GOPC: variants seen among roughly 807,000 people sequenced by gnomAD.
The protein encoded by GOPC is Golgi-associated PDZ and coiled-coil motif-containing protein.
In GOPC, 32 loss-of-function variants were observed where a neutral mutation model predicts 51.2. That is an observed-to-expected ratio of 0.63 (90% confidence interval 0.47 to 0.84). GOPC has a LOEUF of 0.84. Ranked by LOEUF, GOPC falls within the 40% of genes least tolerant of loss-of-function variation. The pLI is 0.00. For synonymous variants in GOPC, 190 were observed against 205.1 expected, an observed-to-expected ratio of 0.93 and a Z score of 0.63; for missense variants, 441 against 555.5, an observed-to-expected ratio of 0.79 and a Z score of 2.07.
At chr6:117,575,854 C>T (rs942890257) in intron 3 of GOPC, among the ~76,000 whole-genome samples, 16 of 152,154 alleles carry the variant, frequency 1.1e-4, no homozygotes, top group Non-Finnish European at 2.4e-4. Flanking sequence ...CCCTATACCC[C>T]CTTTGTCCCT....
intron 1 of GOPC, among the ~76,000 whole-genome samples, chr6:117,579,457 G>A (rs1159280429): frequency 6.6e-6 from 1 of 152,086 alleles, no homozygotes; most frequent in Admixed American, 6.6e-5. Context: ...CAGTATTAGA[G>A]AAGATGTCAG....
chr6:117,585,291 C>A (rs1010896645), intron 1 of GOPC, among the ~76,000 whole-genome samples: 1 of 152,034 alleles, frequency 6.6e-6, no homozygotes, highest in Non-Finnish European at 1.5e-5. Context: ...TAAATATAAG[C>A]AGGTTTTTAT....
intron 5 of GOPC, among the ~76,000 whole-genome samples, chr6:117,572,670 G>A (rs1169478303): frequency 3.3e-5 from 5 of 151,876 alleles, no homozygotes; most frequent in South Asian, 4.2e-4. Flanking sequence ...CCTCCTAACC[G>A]CTCCATTTCC....
intron 1 of GOPC, among the ~76,000 whole-genome samples, chr6:117,586,475 CTTTTTTT>C (rs869148559): frequency 0.17 from 15,372 of 92,676 alleles, 953 homozygotes; most frequent in East Asian, 0.33. Context: ...CACAGAGATT[CTTTTTTT>C]TTTTTTTTTT....
At chr6:117,593,843 T>C (rs1488008482) in intron 1 of GOPC, among the ~76,000 whole-genome samples, 1 of 152,198 alleles carries the variant, frequency 6.6e-6, no homozygotes, top group East Asian at 1.9e-4. Flanking sequence ...CCCTCATCCC[T>C]CTGTTCCAAT....
At chr6:117,576,186 C>A (rs1779879149) in intron 3 of GOPC, among the ~76,000 whole-genome samples, 1 of 151,760 alleles carries the variant, frequency 6.6e-6, no homozygotes, top group Non-Finnish European at 1.5e-5. Flanking sequence ...CACATACAAG[C>A]TAAAATTAAT....
intron 6 of GOPC, 42 bp downstream of exon 6, chr6:117,570,818 T>G (rs757506695): frequency 9.0e-6 from 8 of 885,982 alleles, no homozygotes; most frequent in Admixed American, 6.2e-5. Flanking sequence ...ATGATTATAC[T>G]AGATAACTGT....
intron 7 of GOPC, among the ~76,000 whole-genome samples, chr6:117,567,728 C>T (rs563875425): frequency 4.6e-5 from 7 of 151,882 alleles, no homozygotes; most frequent in Admixed American, 3.3e-4. Context: ...TTTACATGAA[C>T]GAGAAAGCTG....
At chr6:117,575,676 A>G (rs753767742) in intron 3 of GOPC, 11 of 406,938 alleles carry the variant, frequency 2.7e-5, no homozygotes, top group Non-Finnish European at 5.1e-5. Flanking sequence ...AACCCTTTTG[A>G]GAGTTAAATA....
chr6:117,589,509 G>A (rs1486578994), intron 1 of GOPC, among the ~76,000 whole-genome samples: 1 of 152,160 alleles, frequency 6.6e-6, no homozygotes, highest in Non-Finnish European at 1.5e-5. Context: ...AGTAGAGATG[G>A]GGTTTCACCA....
intron 1 of GOPC, among the ~76,000 whole-genome samples, chr6:117,585,003 T>C (rs1780010037): frequency 6.6e-6 from 1 of 152,164 alleles, no homozygotes; most frequent in Non-Finnish European, 1.5e-5. Flanking sequence ...CTGTACAGCC[T>C]GCAGAACTGT....
At chr6:117,585,885 C>T (rs975677971) in intron 1 of GOPC, among the ~76,000 whole-genome samples, 1 of 152,152 alleles carries the variant, frequency 6.6e-6, no homozygotes, top group Non-Finnish European at 1.5e-5. Context: ...ACAAAGCACA[C>T]ATTCCCCAAG....
chr6:117,569,563 G>A lies in GOPC; in HGVS notation c.1077+9C>T, dbSNP rs779754734. 6.2e-7 allele frequency: 1 copy of A among 1,611,072 alleles called. No homozygotes were observed. The highest frequency in any genetic ancestry group is 1.3e-5 in the African/African-American group (1 of 74,760). Reference sequence around the variant, plus strand: ...TAGATCCAGTTCTAATTACATGAAGGGAATTTACCTGCTGAGAAAGAATAG... The same window carrying A: ...TAGATCCAGTTCTAATTACATGAAGAGAATTTACCTGCTGAGAAAGAATAG... On this transcript the variant is annotated intron_variant, in intron 7 of 8. Coordinates refer to ENST00000368498, the MANE Select transcript of GOPC (RefSeq NM_020399.4).
intron 1 of GOPC, among the ~76,000 whole-genome samples, chr6:117,580,183 T>C (rs1417050578): frequency 6.6e-6 from 1 of 151,990 alleles, no homozygotes; most frequent in Non-Finnish European, 1.5e-5. Context: ...TGAGCATAGA[T>C]AGGGATCAGA....
intron 1 of GOPC, among the ~76,000 whole-genome samples, chr6:117,592,458 A>G (rs1318707762): frequency 6.6e-6 from 1 of 152,164 alleles, no homozygotes; most frequent in East Asian, 1.9e-4. Context: ...GAAATAAGGT[A>G]TGACAGGGCT....
chr6:117,561,985 T>A lies in GOPC; in HGVS notation c.*1269A>T. 1 of 207,014 alleles carries A rather than the reference T, an allele frequency of 4.8e-6. No individual in the cohort carries two copies. Among genetic ancestry groups the A allele is most frequent in the East Asian group, 7.4e-5 (1 of 13,520 alleles). The allele number at this position is 207,014 out of a possible 1,614,324, so 12.8% of individuals were successfully genotyped here. On this transcript the variant is annotated 3_prime_UTR_variant, in exon 9 of 9. Coordinates refer to ENST00000368498, the MANE Select transcript of GOPC (RefSeq NM_020399.4). ...TAATATTCTAAAAGCCTTGTAGGCT[T>A]TCTCCCACTTAATATTCCTTTAACT...
chr6:117,594,241 C>T (rs140740696), intron 1 of GOPC, among the ~76,000 whole-genome samples: 85 of 152,276 alleles, frequency 5.6e-4, no homozygotes, highest in African/African-American at 1.9e-3. Context: ...ATGCACTATG[C>T]GCTTGCCCAC....
rs544651343 is a variant in GOPC at position 117,560,576 on chromosome 6, C to A, written c.*2678G>T. On this transcript the variant is annotated 3_prime_UTR_variant, in exon 9 of 9. Transcript: ENST00000368498. ...GTGGGGAAAAAAACAGCACCACAGA[C>A]AAGCTGTGCTAACTTTCGATAGCTG... 5.2e-6 allele frequency: 1 copy of A among 194,064 alleles called. No homozygotes were observed. The highest frequency in any genetic ancestry group is 8.1e-5 in the East Asian group (1 of 12,292). The allele number at this position is 194,064 out of a possible 1,614,324, so 12.0% of individuals were successfully genotyped here.
At chr6:117,585,981 G>A (rs536690177) in intron 1 of GOPC, among the ~76,000 whole-genome samples, 9 of 152,212 alleles carry the variant, frequency 5.9e-5, no homozygotes, top group South Asian at 2.1e-4. Flanking sequence ...GCTGATAAAG[G>A]TGTAAATATT....
Sources: allele counts gnomAD v4.1 joint callset (sites outside exome capture counted in the v4.1 genomes callset), GRCh38; gene constraint gnomAD v4.1.1; transcripts MANE v1.5; gene names NCBI Gene and HGNC (gene_info 2026-07-23, HGNC 2026-07-21).